The following PTPN21 variants were observed in gnomAD, a reference collection of about 807,000 sequenced individuals.
The protein encoded by PTPN21 is tyrosine-protein phosphatase non-receptor type 21.
A neutral mutation model predicts 131.8 loss-of-function variants in PTPN21; 77 were observed. The observed-to-expected ratio is 0.58, with a 90% CI of 0.49 to 0.71. PTPN21 has a LOEUF of 0.71. Ranked by LOEUF, PTPN21 falls within the 30% of genes least tolerant of loss-of-function variation. The pLI is 0.00. For synonymous variants in PTPN21, 715 were observed against 621.3 expected (o/e 1.15, Z -2.24); for missense variants, 1,552 against 1,527.1 (o/e 1.02, Z -0.27).
chr14:88,545,966 T>A (rs1200321333), intron 2 of PTPN21, among the ~76,000 whole-genome samples: 2 of 142,896 alleles, frequency 1.4e-5, no homozygotes, highest in Non-Finnish European at 3.0e-5. Context: ...CACTCCAGCC[T>A]GGGCGATAGA....
chr14:88,493,138 T>A (rs2077850167), intron 10 of PTPN21: 1 of 454,620 alleles, frequency 2.2e-6, no homozygotes, highest in African/African-American at 2.0e-5. Context: ...GGGATAGTAA[T>A]AATTGTGCCC....
At chr14:88,513,045 A>G (rs1232683140) in intron 3 of PTPN21, among the ~76,000 whole-genome samples, 1 of 152,224 alleles carries the variant, frequency 6.6e-6, no homozygotes, top group Non-Finnish European at 1.5e-5. Context: ...TGCCATTCAG[A>G]GTAATGAATT....
At position 88,528,331 on chromosome 14, in the gene PTPN21, T is replaced by C. The variant is rs530070501; in HGVS notation, c.181-11070A>G. Reference sequence around the variant, plus strand: ...TGTTATCTATGATTTCTTTCAGCAGTGTTTTGTAGTTTTCCTTGCAGAGTT... The same window carrying C: ...TGTTATCTATGATTTCTTTCAGCAGCGTTTTGTAGTTTTCCTTGCAGAGTT... On this transcript the variant is annotated intron_variant, in intron 2 of 18. Transcript: ENST00000556564. 1.8e-3 allele frequency among the ~76,000 whole-genome samples: 275 copies of C among 152,306 alleles called. 2 individuals carry two copies. In the South Asian group the frequency reaches 0.028, roughly 15 times the overall value.
At chr14:88,545,487 T>A (rs2078762963) in intron 2 of PTPN21, among the ~76,000 whole-genome samples, 1 of 152,196 alleles carries the variant, frequency 6.6e-6, no homozygotes, top group African/African-American at 2.4e-5. Flanking sequence ...CCTTCAAGCC[T>A]CTACAGCATA....
chr14:88,492,325 C>G (rs1162235657), intron 10 of PTPN21, among the ~76,000 whole-genome samples: 1 of 152,156 alleles, frequency 6.6e-6, no homozygotes, highest in Non-Finnish European at 1.5e-5. Context: ...GCTGGATAAC[C>G]AGGCCAGCCC....
intron 2 of PTPN21, among the ~76,000 whole-genome samples, chr14:88,518,380 GTGTGTGTA>G (rs1430544737): frequency 6.9e-4 from 10 of 14,504 alleles, no homozygotes; most frequent in African/African-American, 2.3e-3. Context: ...GTGTATGTGT[GTGTGTGTA>G]TATATATATA....
At chr14:88,534,625 G>A (rs1270181447) in intron 2 of PTPN21, among the ~76,000 whole-genome samples, 1 of 152,062 alleles carries the variant, frequency 6.6e-6, no homozygotes, top group African/African-American at 2.4e-5. Flanking sequence ...TGTAATCCCA[G>A]CACTTTAGGA....
At position 88,501,162 on chromosome 14, in the gene PTPN21, TTTCC is replaced by T. The variant is rs2078002090; in HGVS notation, c.675+115_675+118del. ...GGTCACCAGGACCTCAGCTTTTAAG[TTTCC>T]AGAGTTTTGCACGTCCTCAGCCTTT... On this transcript the variant is annotated intron_variant, in intron 7 of 18. Coordinates refer to ENST00000556564, the MANE Select transcript of PTPN21 (RefSeq NM_007039.4). The T allele has an allele frequency of 4.3e-6, 4 of 935,762 alleles. No homozygotes were observed. In the African/African-American group the frequency reaches 6.6e-5, roughly 15 times the overall value. 58.0% of individuals were successfully genotyped at this position (935,762 alleles called of 1,614,324 possible).
intron 18 of PTPN21, 110 bp from the exon 19 acceptor site, chr14:88,468,375 T>C: frequency 9.3e-7 from 1 of 1,072,520 alleles, no homozygotes; most frequent in Non-Finnish European, 1.3e-6. Flanking sequence ...GGACAGTCTC[T>C]TTTCCACCTT....
chr14:88,475,677 C>T (rs1452730549), intron 13 of PTPN21, among the ~76,000 whole-genome samples: 2 of 152,212 alleles, frequency 1.3e-5, no homozygotes, highest in Non-Finnish European at 2.9e-5. Context: ...TTGCCCATAT[C>T]CATGGTGTAA....
intron 2 of PTPN21, among the ~76,000 whole-genome samples, chr14:88,527,266 C>T (rs1485629409): frequency 1.3e-5 from 2 of 152,156 alleles, no homozygotes; most frequent in Non-Finnish European, 2.9e-5. Context: ...AGTTTACATT[C>T]CCACTAGCAG....
intron 15 of PTPN21, among the ~76,000 whole-genome samples, chr14:88,471,921 A>AT (rs2077475213): frequency 7.3e-6 from 1 of 136,842 alleles, no homozygotes; most frequent in Non-Finnish European, 1.6e-5. Flanking sequence ...AAAAGGCAAA[A>AT]GAAAAAAAAA....
chr14:88,540,809 T>C (rs1265561196), intron 2 of PTPN21, among the ~76,000 whole-genome samples: 2 of 152,132 alleles, frequency 1.3e-5, no homozygotes, highest in African/African-American at 4.8e-5. Context: ...ACTACAGGTA[T>C]ATGACACCAT....
chr14:88,503,528 C>T (rs1202814946), intron 6 of PTPN21, among the ~76,000 whole-genome samples: 3 of 152,136 alleles, frequency 2.0e-5, no homozygotes, highest in Middle Eastern at 3.2e-3. Context: ...AACTGTACTT[C>T]GAGGACCCAC....
chr14:88,473,614 T>G, intron 14 of PTPN21, 51 bp downstream of exon 14: 1 of 1,575,100 alleles, frequency 6.3e-7, no homozygotes, highest in Non-Finnish European at 8.6e-7. Flanking sequence ...TTGCGTAGTA[T>G]TTACCGGTTG....
chr14:88,493,161 G>A (rs184978982), intron 10 of PTPN21: 13 of 441,582 alleles, frequency 2.9e-5, no homozygotes, highest in African/African-American at 2.2e-4. Flanking sequence ...CAGGGTTACT[G>A]TAAGGATTAA....
At chr14:88,497,613 C>CA (rs1054317829) in intron 8 of PTPN21, among the ~76,000 whole-genome samples, 28 of 149,560 alleles carry the variant, frequency 1.9e-4, no homozygotes, top group South Asian at 4.3e-4. Context: ...ACTAAAAATA[C>CA]AAAAAAAAAG....
chr14:88,501,207 C>T, intron 7 of PTPN21, 74 bp downstream of exon 7: 1 of 1,343,112 alleles, frequency 7.4e-7, no homozygotes, highest in Non-Finnish European at 1.1e-6. Flanking sequence ...TAAGGACATC[C>T]TTGGATTTCC....
At chr14:88,530,537 G>A (rs1010042001) in intron 2 of PTPN21, among the ~76,000 whole-genome samples, 26 of 138,750 alleles carry the variant, frequency 1.9e-4, no homozygotes, top group African/African-American at 6.2e-4. Flanking sequence ...CTGTGTTCAA[G>A]AGGTTCATCT....
Sources: allele counts gnomAD v4.1 joint callset (sites outside exome capture counted in the v4.1 genomes callset), GRCh38; gene constraint gnomAD v4.1.1; transcripts MANE v1.5; gene names NCBI Gene and HGNC (gene_info 2026-07-23, HGNC 2026-07-21).